Variants in PSMD11 observed in about 807,000 individuals in gnomAD.
The protein encoded by PSMD11 is 26S proteasome non-ATPase regulatory subunit 11.
PSMD11 carries 5 observed loss-of-function variants against 62.3 expected under a neutral mutation model. The ratio of observed to expected loss-of-function variants is 0.08; its 90% CI spans 0.04 to 0.17. The LOEUF (loss-of-function observed/expected upper bound fraction) is 0.17. Ranked by LOEUF, PSMD11 falls within the 10% of genes least tolerant of loss-of-function variation. The pLI is 1.00. For missense variants in PSMD11, 310 were observed against 512.9 expected, an observed-to-expected ratio of 0.60 and a Z score of 3.82; for synonymous variants, 191 against 191.8, an observed-to-expected ratio of 1.00 and a Z score of 0.03.
chr17:32,452,930 A>G (rs1385669343), intron 2 of PSMD11, among the ~76,000 whole-genome samples: 15 of 152,222 alleles, frequency 9.9e-5, no homozygotes. Flanking sequence ...TGAAATAGCC[A>G]AAGATGTTAA....
intron 2 of PSMD11, among the ~76,000 whole-genome samples, chr17:32,451,809 G>T (rs1301606785): frequency 6.6e-6 from 1 of 152,146 alleles, no homozygotes; most frequent in Admixed American, 6.5e-5. Context: ...CACAACCTTG[G>T]CTCACTGCAG....
At chr17:32,461,807 A>G (rs1907853914) in intron 3 of PSMD11, among the ~76,000 whole-genome samples, 2 of 152,188 alleles carry the variant, frequency 1.3e-5, no homozygotes, top group South Asian at 4.1e-4. Context: ...TTCATCTTAT[A>G]CAATTGTGAT....
At chr17:32,468,966 G>A in intron 5 of PSMD11, 33 bp from the exon 6 acceptor site, 1 of 1,593,412 alleles carries the variant, frequency 6.3e-7, no homozygotes, top group Non-Finnish European at 8.6e-7. Context: ...TTAAGCTGAT[G>A]GCTATAAAGG....
chr17:32,448,653 G>A (rs1907400914), intron 2 of PSMD11, among the ~76,000 whole-genome samples: 1 of 152,126 alleles, frequency 6.6e-6, no homozygotes, highest in Admixed American at 6.6e-5. Flanking sequence ...GATTACAGGT[G>A]TGAGCCACTG....
At chr17:32,456,646 C>G (rs1447195704) in intron 3 of PSMD11, among the ~76,000 whole-genome samples, 1 of 152,236 alleles carries the variant, frequency 6.6e-6, no homozygotes, top group Non-Finnish European at 1.5e-5. Flanking sequence ...TCTCCTGCCT[C>G]AGCCTCCCCA....
chr17:32,454,791 TCC>T, intron 3 of PSMD11, 172 bp downstream of exon 3: 1 of 641,770 alleles, frequency 1.6e-6, no homozygotes, highest in Non-Finnish European at 2.5e-6. Context: ...TTGGGTCTGT[TCC>T]ATGCTTTGCT....
Position 32,482,788 on chromosome 17 carries a change from C to A in PSMD11, c.*2036C>A, listed in dbSNP as rs1908541520. On this transcript the variant is annotated 3_prime_UTR_variant, in exon 14 of 14. Coordinates refer to ENST00000261712, the MANE Select transcript of PSMD11 (RefSeq NM_002815.4). ...TGGTTTCGTTTCCTTTTGGAATCTT[C>A]AAAGGCAGCGATTTTCATATTGCCT... 6.6e-6 allele frequency: 1 copy of A among 152,188 alleles called. No individual in the cohort carries two copies. The highest frequency in any genetic ancestry group is 1.9e-4 in the East Asian group (1 of 5,198). 9.4% of individuals were successfully genotyped at this position (152,188 alleles called of 1,614,324 possible).
chr17:32,479,739 C>T lies in PSMD11; in HGVS notation c.1039-112C>T, dbSNP rs116402094. 2.6e-3 allele frequency: 3,319 copies of T among 1,295,298 alleles called. 60 individuals are homozygous for T. The African/African-American group carries it at 0.04, about 16-fold the overall frequency. 80.2% of individuals were successfully genotyped at this position (1,295,298 alleles called of 1,614,324 possible). ...AGACTTAAGCACGGCCAAGGAGGGTCTTACATTAGAATTTTGAGAAATACA... is the reference window on the plus strand; with the variant it reads ...AGACTTAAGCACGGCCAAGGAGGGTTTTACATTAGAATTTTGAGAAATACA... On this transcript the variant is annotated intron_variant, in intron 10 of 13. Transcript: ENST00000261712.
At chr17:32,474,956 C>T (rs916834075) in intron 8 of PSMD11, 132 bp downstream of exon 8, 7 of 832,446 alleles carry the variant, frequency 8.4e-6, no homozygotes, top group Middle Eastern at 2.2e-4. Flanking sequence ...CACTTCCTTC[C>T]CTTAAGCCCA....
intron 3 of PSMD11, among the ~76,000 whole-genome samples, chr17:32,459,128 A>ATATATATATATG (rs1907742337): frequency 7.0e-6 from 1 of 142,914 alleles, no homozygotes; most frequent in African/African-American, 2.6e-5. Flanking sequence ...ATATATATAT[A>ATATATATATATG]TATATATATA....
At chr17:32,464,181 G>A in intron 4 of PSMD11, 61 bp downstream of exon 4, 1 of 1,437,934 alleles carries the variant, frequency 7.0e-7, no homozygotes, top group South Asian at 1.1e-5. Context: ...GTGAATGTAA[G>A]CAGTACCATC....
intron 11 of PSMD11, 103 bp downstream of exon 11, chr17:32,479,989 C>A: frequency 6.7e-7 from 1 of 1,492,848 alleles, no homozygotes; most frequent in South Asian, 1.1e-5. Context: ...CCCAGCTTCT[C>A]AGTGGGGAAT....
intron 8 of PSMD11, 31 bp downstream of exon 8, chr17:32,474,855 ACT>A: frequency 6.3e-7 from 1 of 1,591,830 alleles, no homozygotes; most frequent in Non-Finnish European, 8.6e-7. Flanking sequence ...AGTTCTGCTC[ACT>A]CTGAGACCAG....
intron 9 of PSMD11, among the ~76,000 whole-genome samples, chr17:32,478,476 T>G (rs1908394212): frequency 1.3e-5 from 2 of 152,218 alleles, no homozygotes; most frequent in South Asian, 4.1e-4. Flanking sequence ...GTCTAGATCA[T>G]TTTATCCCAA....
intron 7 of PSMD11, among the ~76,000 whole-genome samples, 181 bp from the exon 8 acceptor site, chr17:32,474,583 C>G (rs1421258650): frequency 1.3e-5 from 2 of 151,970 alleles, no homozygotes; most frequent in African/African-American, 4.8e-5. Context: ...GAGCTGTGAC[C>G]CAGAGTGGAG....
intron 13 of PSMD11, 46 bp downstream of exon 13, chr17:32,480,677 T>G (rs760711752): frequency 3.1e-6 from 5 of 1,604,756 alleles, no homozygotes; most frequent in Admixed American, 1.7e-5. Context: ...CTCTGTCTTC[T>G]GCGTGTCGAG....
intron 8 of PSMD11, among the ~76,000 whole-genome samples, chr17:32,475,381 C>T (rs571546764): frequency 1.4e-4 from 21 of 149,976 alleles, no homozygotes; most frequent in African/African-American, 4.7e-4. Context: ...AGTGTGACTT[C>T]TGAGAGCAGA....
intron 5 of PSMD11, among the ~76,000 whole-genome samples, chr17:32,468,352 T>G (rs543773977): frequency 1.4e-4 from 21 of 152,314 alleles, no homozygotes; most frequent in African/African-American, 4.6e-4. Context: ...CTGTTACCTG[T>G]TTTTTGTTGT....
intron 3 of PSMD11, among the ~76,000 whole-genome samples, chr17:32,459,759 G>C (rs1417606424): frequency 3.3e-5 from 5 of 151,942 alleles, no homozygotes; most frequent in African/African-American, 1.2e-4. Context: ...TCTGCCTCCC[G>C]GGTTCAAGTG....
Sources: gnomAD v4.1 joint callset for allele counts (sites outside exome capture counted in the v4.1 genomes callset) on GRCh38, gnomAD v4.1.1 for gene constraint, MANE v1.5 for transcripts, NCBI Gene and HGNC (gene_info 2026-07-23, HGNC 2026-07-21) for gene names.